The following PTPRT variants were observed in gnomAD, a reference collection of about 807,000 sequenced individuals.
PTPRT encodes receptor-type tyrosine-protein phosphatase T.
In PTPRT, 56 loss-of-function variants were observed where a neutral mutation model predicts 176.8. The observed-to-expected ratio is 0.32, with a 90% CI of 0.26 to 0.40. PTPRT has a LOEUF of 0.40. Among genes scored for constraint, PTPRT ranks in the 10% least tolerant of loss-of-function variants. The pLI is 1.00. For missense variants in PTPRT, 1,540 were observed against 1,908.2 expected (o/e 0.81, Z 3.60); for synonymous variants, 783 against 739.0 (o/e 1.06, Z -0.96).
intron 7 of PTPRT, among the ~76,000 whole-genome samples, chr20:42,496,913 C>T (rs573538239): frequency 1.3e-5 from 2 of 152,214 alleles, no homozygotes; most frequent in African/African-American, 4.8e-5. Flanking sequence ...CTCATGACCC[C>T]TGAATTAGAG....
chr20:42,992,758 GT>G (rs1712488760), intron 1 of PTPRT, among the ~76,000 whole-genome samples: 1 of 152,200 alleles, frequency 6.6e-6, no homozygotes, highest in South Asian at 2.1e-4. Flanking sequence ...CAGCTGGGCA[GT>G]TCTGGCTTGA....
intron 4 of PTPRT, among the ~76,000 whole-genome samples, chr20:42,779,841 G>A (rs1399678061): frequency 1.7e-5 from 2 of 117,480 alleles, no homozygotes; most frequent in African/African-American, 5.3e-5. Context: ...GTGTTTTGGT[G>A]GTGGTGTGTT....
chr20:42,043,243 G>A, the PTPRT span, among the ~76,000 whole-genome samples: 2 of 152,190 alleles, frequency 1.3e-5, no homozygotes, highest in Admixed American at 6.5e-5. Flanking sequence ...TTTAAACAAA[G>A]CCCTTAGCTA....
chr20:42,151,102 C>T (rs1989109047), intron 17 of PTPRT, among the ~76,000 whole-genome samples: 1 of 150,796 alleles, frequency 6.6e-6, no homozygotes, highest in Non-Finnish European at 1.5e-5. Context: ...ATTCTCTTGC[C>T]ATCTTCAGTC....
chr20:42,948,720 C>T (rs1201000405), intron 1 of PTPRT, among the ~76,000 whole-genome samples: 5 of 152,154 alleles, frequency 3.3e-5, no homozygotes. Flanking sequence ...AAGGACCCCA[C>T]CCTAGAAGTT....
intron 19 of PTPRT, among the ~76,000 whole-genome samples, chr20:42,126,170 G>A (rs1330753806): frequency 6.6e-6 from 1 of 152,112 alleles, no homozygotes; most frequent in African/African-American, 2.4e-5. Context: ...TCTGGAGAAT[G>A]GGAATGAGAA....
intron 20 of PTPRT, among the ~76,000 whole-genome samples, chr20:42,119,343 T>C (rs182396750): frequency 4.1e-4 from 62 of 152,308 alleles, no homozygotes; most frequent in Non-Finnish European, 6.5e-4. Context: ...AACGTACCAA[T>C]TGTTGGGCAT....
chr20:42,692,623 C>T (rs1321572476), intron 6 of PTPRT, among the ~76,000 whole-genome samples: 1 of 152,092 alleles, frequency 6.6e-6, no homozygotes, highest in African/African-American at 2.4e-5. Context: ...TCCCTGATTT[C>T]CCCAATTCTA....
intron 9 of PTPRT, among the ~76,000 whole-genome samples, chr20:42,394,785 A>G (rs68035826): frequency 0.21 from 32,175 of 152,110 alleles, 4,281 homozygotes; most frequent in East Asian, 0.4. Context: ...TTATTTGTTC[A>G]GTGCAATAAT....
At chr20:42,373,430 G>C (rs2058613006) in intron 9 of PTPRT, among the ~76,000 whole-genome samples, 1 of 152,106 alleles carries the variant, frequency 6.6e-6, no homozygotes, top group Non-Finnish European at 1.5e-5. Context: ...TTTGTAAACT[G>C]ACAGGATCCT....
At chr20:42,633,701 G>A (rs1277304330) in intron 7 of PTPRT, among the ~76,000 whole-genome samples, 1 of 139,640 alleles carries the variant, frequency 7.2e-6, no homozygotes, top group African/African-American at 2.7e-5. Context: ...CACGAGAATT[G>A]CTTGTACCTG....
chr20:42,188,075 T>G (rs1313885300), intron 16 of PTPRT, among the ~76,000 whole-genome samples: 3 of 152,198 alleles, frequency 2.0e-5, no homozygotes, highest in Non-Finnish European at 4.4e-5. Flanking sequence ...CAACCTGGCA[T>G]CTCTTCCATG....
At chr20:42,993,884 G>A (rs1057207629) in intron 1 of PTPRT, among the ~76,000 whole-genome samples, 5 of 151,918 alleles carry the variant, frequency 3.3e-5, no homozygotes, top group African/African-American at 9.7e-5. Flanking sequence ...CAATTTATGC[G>A]AGTAAGCCCT....
chr20:42,362,692 T>C, intron 9 of PTPRT, among the ~76,000 whole-genome samples: 1 of 152,190 alleles, frequency 6.6e-6, no homozygotes, highest in Admixed American at 6.5e-5. Context: ...GTTAATTTCC[T>C]GGTTTCAGTC....
intron 6 of PTPRT, among the ~76,000 whole-genome samples, chr20:42,715,097 G>C (rs1410052721): frequency 2.0e-5 from 3 of 152,112 alleles, no homozygotes; most frequent in Admixed American, 1.3e-4. Context: ...CACACATGAA[G>C]ATAACTGATA....
intron 1 of PTPRT, among the ~76,000 whole-genome samples, chr20:42,997,847 C>T (rs1218832513): frequency 6.6e-6 from 1 of 152,110 alleles, no homozygotes; most frequent in Non-Finnish European, 1.5e-5. Context: ...CCTCCAGTCT[C>T]ACTTCATATT....
chr20:42,678,656 G>A (rs186259418), intron 6 of PTPRT, among the ~76,000 whole-genome samples: 214 of 152,304 alleles, frequency 1.4e-3, no homozygotes, highest in Non-Finnish European at 2.4e-3. Context: ...TTGCATGTAA[G>A]TACCTGAATC....
chr20:42,120,089 TCA>T (rs1212657210), intron 19 of PTPRT, 118 bp from the exon 20 acceptor site: 1 of 858,978 alleles, frequency 1.2e-6, no homozygotes, highest in Non-Finnish European at 1.8e-6. Context: ...GAGAACAGCA[TCA>T]GTTATTCCCA....
intron 9 of PTPRT, among the ~76,000 whole-genome samples, chr20:42,356,722 A>G (rs2145547239): frequency 6.6e-6 from 1 of 152,244 alleles, no homozygotes; most frequent in African/African-American, 2.4e-5. Flanking sequence ...GACAAAATCC[A>G]ATCATGTCGT....
Sources: allele counts gnomAD v4.1 joint callset (sites outside exome capture counted in the v4.1 genomes callset), GRCh38; gene constraint gnomAD v4.1.1; transcripts MANE v1.5; gene names NCBI Gene and HGNC (gene_info 2026-07-23, HGNC 2026-07-21).